Variants in SLCO3A1 observed in about 807,000 individuals in gnomAD.
SLCO3A1 encodes the protein PGE1 transporter.
In SLCO3A1, 27 loss-of-function variants were observed where a neutral mutation model predicts 63.1. That is an observed-to-expected ratio of 0.43 (90% confidence interval 0.32 to 0.59). The LOEUF (loss-of-function observed/expected upper bound fraction) is 0.59. SLCO3A1 is among the 20% of genes least tolerant of loss of function. SLCO3A1 has a pLI of 0.09. For missense variants in SLCO3A1, 773 were observed against 945.8 expected (o/e 0.82, Z 2.40); for synonymous variants, 473 against 409.9 (o/e 1.15, Z -1.86).
chr15:92,017,283 AT>A (rs1010203713), intron 2 of SLCO3A1, among the ~76,000 whole-genome samples: 2 of 143,786 alleles, frequency 1.4e-5, no homozygotes, highest in Admixed American at 6.7e-5. Flanking sequence ...AGGAGCTGGG[AT>A]TGGGGGGGGG....
At chr15:92,109,103 G>A (rs895913619) in intron 4 of SLCO3A1, among the ~76,000 whole-genome samples, 4 of 152,308 alleles carry the variant, frequency 2.6e-5, no homozygotes, top group Middle Eastern at 3.4e-3. Context: ...TGTATGTATA[G>A]ACATGGACGC....
At chr15:91,913,599 TTGG>T (rs1244346732) in intron 1 of SLCO3A1, among the ~76,000 whole-genome samples, 4 of 151,302 alleles carry the variant, frequency 2.6e-5, no homozygotes, top group South Asian at 2.1e-4. Flanking sequence ...TAGCATTTTT[TTGG>T]TTTGTTTTTT....
chr15:91,988,071 C>G (rs1484952921), intron 2 of SLCO3A1, among the ~76,000 whole-genome samples: 2 of 152,150 alleles, frequency 1.3e-5, no homozygotes, highest in African/African-American at 2.4e-5. Context: ...CAGATGCAGG[C>G]TTTTCTAGGG....
At position 91,854,349 on chromosome 15, in the gene SLCO3A1, A is replaced by G; in HGVS notation, c.180+261A>G. ...CTGGGGCAGGGGGTGCCGGGGGAGGAGAGGCGGCGGGCAGGTGGGCGTGAA... is the reference window on the plus strand; with the variant it reads ...CTGGGGCAGGGGGTGCCGGGGGAGGGGAGGCGGCGGGCAGGTGGGCGTGAA... On this transcript the variant is annotated intron_variant, in intron 1 of 9. Coordinates refer to ENST00000318445, the MANE Select transcript of SLCO3A1 (RefSeq NM_013272.4). This position sits in a 1 kb window ranked among gnomAD's most constrained non-coding sequence, Gnocchi z 6.4. 1 of 1,071,450 alleles carries G rather than the reference A, an allele frequency of 9.3e-7. No individual in the cohort carries two copies. The highest frequency in any genetic ancestry group is 1.1e-6 in the Non-Finnish European group (1 of 884,078). The allele number at this position is 1,071,450 out of a possible 1,614,324, so 66.4% of individuals were successfully genotyped here. A position where few individuals can be genotyped will look rare whatever the true frequency, so the allele number is the denominator to read the frequency against.
chr15:91,907,984 ACGAGGAAAGCCACCACG>A (rs1253174260), intron 1 of SLCO3A1, among the ~76,000 whole-genome samples: 5 of 152,134 alleles, frequency 3.3e-5, no homozygotes, highest in African/African-American at 1.2e-4. Flanking sequence ...TGCTGCAAGG[ACGAGGAAAGCCACCACG>A]CACAACCCCA....
At chr15:92,027,302 A>G (rs575868226) in intron 2 of SLCO3A1, among the ~76,000 whole-genome samples, 1 of 152,368 alleles carries the variant, frequency 6.6e-6, no homozygotes, top group Admixed American at 6.5e-5. Context: ...TGAACTTTCT[A>G]AACAACACCA....
At chr15:91,962,921 C>A (rs185021549) in intron 2 of SLCO3A1, among the ~76,000 whole-genome samples, 5 of 151,784 alleles carry the variant, frequency 3.3e-5, no homozygotes, top group Non-Finnish European at 5.9e-5. Context: ...TATATACTTT[C>A]TAAGCTGTAT....
At chr15:91,896,955 C>G (rs1898020567) in intron 1 of SLCO3A1, among the ~76,000 whole-genome samples, 1 of 152,116 alleles carries the variant, frequency 6.6e-6, no homozygotes, top group South Asian at 2.1e-4. Flanking sequence ...CTTTTAGGAG[C>G]CAGACAGTCC....
chr15:92,157,958 G>C (rs113519249), intron 9 of SLCO3A1, among the ~76,000 whole-genome samples: 2 of 152,182 alleles, frequency 1.3e-5, no homozygotes, highest in African/African-American at 4.8e-5. Flanking sequence ...TCCAAGATCA[G>C]CTGTCTCTGG....
chr15:92,159,898 G>A (rs551950049), intron 9 of SLCO3A1, among the ~76,000 whole-genome samples: 20 of 152,134 alleles, frequency 1.3e-4, no homozygotes, highest in African/African-American at 3.4e-4. Flanking sequence ...AATTATTAAC[G>A]AATTTGGTTC....
chr15:92,071,500 A>C (rs970728723), intron 2 of SLCO3A1, among the ~76,000 whole-genome samples: 11 of 152,182 alleles, frequency 7.2e-5, no homozygotes, highest in Non-Finnish European at 1.6e-4. Context: ...CAGGGGAAAA[A>C]ACACACGTCA....
chr15:92,024,195 A>G (rs1487116761), intron 2 of SLCO3A1, among the ~76,000 whole-genome samples: 1 of 152,260 alleles, frequency 6.6e-6, no homozygotes, highest in African/African-American at 2.4e-5. Flanking sequence ...AACTGATGCA[A>G]TCCCCACTTC....
intron 9 of SLCO3A1, 69 bp from the exon 10 acceptor site, chr15:92,162,687 G>A: frequency 6.5e-7 from 1 of 1,529,586 alleles, no homozygotes. Context: ...AGAAAAGCTA[G>A]GCAGAGACAG....
chr15:92,115,719 C>T (rs1349965194), intron 4 of SLCO3A1, among the ~76,000 whole-genome samples: 1 of 147,710 alleles, frequency 6.8e-6, no homozygotes, highest in Non-Finnish European at 1.5e-5. Flanking sequence ...TTCAGCAAAA[C>T]CTTTTCTACA....
At chr15:91,925,304 G>A (rs541657713) in intron 2 of SLCO3A1, among the ~76,000 whole-genome samples, 231 of 152,244 alleles carry the variant, frequency 1.5e-3, no homozygotes, top group Admixed American at 3.3e-3. Flanking sequence ...GAACGGTTTG[G>A]TTTCTGTCGA....
chr15:92,041,855 A>C (rs1182686890), intron 2 of SLCO3A1, among the ~76,000 whole-genome samples: 1 of 152,176 alleles, frequency 6.6e-6, no homozygotes, highest in Non-Finnish European at 1.5e-5. Context: ...TTAATATTTT[A>C]GCCAATCTGT....
intron 1 of SLCO3A1, among the ~76,000 whole-genome samples, chr15:91,861,500 C>A (rs149653926): frequency 5.6e-4 from 85 of 152,318 alleles, no homozygotes; most frequent in Non-Finnish European, 4.6e-4. Context: ...CTGGGCATTC[C>A]TCTTTAAACA....
At chr15:91,914,203 G>T (rs1056869119) in intron 1 of SLCO3A1, among the ~76,000 whole-genome samples, 4 of 152,190 alleles carry the variant, frequency 2.6e-5, no homozygotes, top group African/African-American at 9.7e-5. Flanking sequence ...AGTCAGGATG[G>T]ACCCAGGTGG....
At chr15:91,919,379 G>A (rs796088556) in intron 2 of SLCO3A1, among the ~76,000 whole-genome samples, 20 of 152,234 alleles carry the variant, frequency 1.3e-4, no homozygotes, top group Non-Finnish European at 7.3e-5. Context: ...AGCCAAGGGA[G>A]CTCATTACCA....
Sources: gnomAD v4.1 joint callset for allele counts (sites outside exome capture counted in the v4.1 genomes callset) on GRCh38, gnomAD v4.1.1 for gene constraint, Gnocchi (gnomAD v3.1) non-coding constraint, MANE v1.5 for transcripts, NCBI Gene and HGNC (gene_info 2026-07-23, HGNC 2026-07-21) for gene names.